LAIR1: variants seen among roughly 807,000 people sequenced by gnomAD.
LAIR1 encodes the protein leukocyte-associated immunoglobulin-like receptor 1.
LAIR1 carries 24 observed loss-of-function variants against 32.8 expected under a neutral mutation model. The observed-to-expected ratio is 0.73, with a 90% CI of 0.53 to 1.03. The LOEUF (loss-of-function observed/expected upper bound fraction) is 1.03, where lower values mean the gene tolerates loss of function less well. Ranked by LOEUF, LAIR1 falls within the 50% of genes least tolerant of loss-of-function variation. The pLI is 0.00. For missense variants in LAIR1, 355 were observed against 347.5 expected, an observed-to-expected ratio of 1.02 and a Z score of -0.17; for synonymous variants, 150 against 140.5, an observed-to-expected ratio of 1.07 and a Z score of -0.48.
upstream of LAIR1, among the ~76,000 whole-genome samples, chr19:54,365,285 C>T (rs1239639558): frequency 1.3e-5 from 2 of 152,088 alleles, no homozygotes; most frequent in South Asian, 2.1e-4. Flanking sequence ...GCTAAAATCC[C>T]GACAAGGTAT....
chr19:54,361,135 A>G lies in LAIR1; in HGVS notation c.145T>C (p.Cys49Arg), dbSNP rs763794794. 1.9e-6 allele frequency: 3 copies of G among 1,614,158 alleles called. No individual in the cohort carries two copies. Among genetic ancestry groups the G allele is most frequent in the Non-Finnish European group, 2.5e-6 (3 of 1,180,030 alleles). The stretch of plus-strand genomic sequence containing the variant: ...GTTTGAACCCCAACCGGGCCCCGGC[A>G]CACGAAAGTCACATGGCTCCCCAGG... ...IPLGSHVTFV[C>R]RGPVGVQTFR... Residue 49 changes from cysteine (C) to arginine (R), a missense_variant, in exon 3 of 10, where the codon TGC becomes CGC. Physicochemically the swap from Cys to Arg is radical, Grantham distance 180 (BLOSUM62 -3). Transcript: ENST00000391742.
chr19:54,359,314 G>T (rs1421384141), intron 4 of LAIR1, among the ~76,000 whole-genome samples: 1 of 151,780 alleles, frequency 6.6e-6, no homozygotes, highest in African/African-American at 2.4e-5. Flanking sequence ...GGGGGAGATG[G>T]ACAACTTGAG....
chr19:54,366,958 G>A (rs998318575), upstream of LAIR1, among the ~76,000 whole-genome samples: 2 of 152,156 alleles, frequency 1.3e-5, no homozygotes, highest in African/African-American at 4.8e-5. Context: ...TGGTAGAAAA[G>A]AAAAGTCCGT....
At chr19:54,367,866 G>A (rs1389419826), upstream of LAIR1, among the ~76,000 whole-genome samples, 14 of 143,156 alleles carry the variant, frequency 9.8e-5, no homozygotes, top group Non-Finnish European at 1.7e-4. Flanking sequence ...TCCGCTTCCC[G>A]GGTTCACGCC....
chr19:54,373,697 CAG>C (rs772477137), upstream of LAIR1, among the ~76,000 whole-genome samples: 1 of 151,926 alleles, frequency 6.6e-6, no homozygotes, highest in Non-Finnish European at 1.5e-5. Flanking sequence ...ACCAGGGAGA[CAG>C]AGGTTGCAGT....
At chr19:54,361,928 G>A (rs891658437) in intron 2 of LAIR1, among the ~76,000 whole-genome samples, 6 of 151,878 alleles carry the variant, frequency 4.0e-5, no homozygotes, top group Non-Finnish European at 7.4e-5. Flanking sequence ...GAGGAAGGGC[G>A]GGTTTGACGC....
In LAIR1 at chr19:54,355,375, G is replaced by T. The variant is rs1478276617; in HGVS notation, c.757C>A (p.Gln253Lys). The change falls in exon 10 of 10, where the codon CAG becomes AAG. Residue 253 changes from glutamine (Q) to lysine (K), a missense_variant. Transcript: ENST00000391742. This position sits in a 1 kb window ranked among gnomAD's most constrained non-coding sequence, Gnocchi z 4.7. ...AGSSQEVTYAQLDHWALTQRT... is the reference protein window; with the variant it reads ...AGSSQEVTYAKLDHWALTQRT... ...TGTGTGAGGGCCCAGTGGTCCAGCT[G>T]AGCATACGTCACCTCCTGGGAACTC... is the stretch of plus-strand genomic sequence containing the variant. The T allele has an allele frequency of 1.9e-6, 3 of 1,612,694 alleles. No homozygotes were observed. Among genetic ancestry groups the T allele is most frequent in the Non-Finnish European group, 2.5e-6 (3 of 1,179,336 alleles).
chr19:54,367,789 A>G (rs113261228), upstream of LAIR1, among the ~76,000 whole-genome samples: 5,565 of 139,530 alleles, frequency 0.04, 374 homozygotes, highest in African/African-American at 0.14. Context: ...TTTTTGAGAC[A>G]GAGTCTCGCT....
intron 2 of LAIR1, 76 bp from the exon 3 acceptor site, chr19:54,361,285 C>A: frequency 6.6e-7 from 1 of 1,505,270 alleles, no homozygotes; most frequent in Non-Finnish European, 9.1e-7. Context: ...TTTAGCATCA[C>A]AATTCAGGGA....
chr19:54,375,403 A>G (rs578113330), upstream of LAIR1, among the ~76,000 whole-genome samples: 129 of 152,316 alleles, frequency 8.5e-4, 3 homozygotes, highest in South Asian at 7.2e-3. Flanking sequence ...ACTCAGTCCC[A>G]ACCGTCTTGT....
chr19:54,360,869 T>C (rs1320880291), intron 3 of LAIR1, 47 bp downstream of exon 3: 2 of 1,574,084 alleles, frequency 1.3e-6, no homozygotes, highest in Non-Finnish European at 1.7e-6. Flanking sequence ...GGGGACAAGC[T>C]CGAGGGTCGA....
upstream of LAIR1, among the ~76,000 whole-genome samples, chr19:54,366,010 G>A (rs1176861469): frequency 1.3e-5 from 2 of 152,194 alleles, no homozygotes; most frequent in African/African-American, 2.4e-5. Context: ...CACGCCAAGC[G>A]ACGCAGAGGC....
At chr19:54,368,940 G>A (rs1182928690), upstream of LAIR1, among the ~76,000 whole-genome samples, 1 of 151,092 alleles carries the variant, frequency 6.6e-6, no homozygotes, top group Non-Finnish European at 1.5e-5. Flanking sequence ...GCCCACCTTG[G>A]CATCCCAAAG....
chr19:54,371,801 C>G (rs952221536), upstream of LAIR1, among the ~76,000 whole-genome samples: 2 of 151,532 alleles, frequency 1.3e-5, no homozygotes, highest in African/African-American at 2.4e-5. Flanking sequence ...GGGATGATTT[C>G]CTCTTGTCCA....
rs148060728 is a variant in LAIR1 at position 54,356,251 on chromosome 19, C to T, written c.643G>A (p.Asp215Asn). The change falls in exon 8 of 10, where the codon GAT becomes AAT. Residue 215 changes from aspartate to asparagine, a missense_variant. By Grantham distance (23) the Asp-to-Asn change is conservative (BLOSUM62 1). Transcript: ENST00000391742. ...KPQQRPDLAV[D>N]VLERTADKAT... is the part of the protein sequence containing the mutation. ...TTACCTGCTGTCCTCTCTAGAACATCAACAGCCAGGTCAGGCCTAAGAGGA... is the reference window on the plus strand; with the variant it reads ...TTACCTGCTGTCCTCTCTAGAACATTAACAGCCAGGTCAGGCCTAAGAGGA... 7.0e-4 allele frequency: 1,128 copies of T among 1,613,420 alleles called. 11 individuals carry two copies. In the African/African-American group the frequency reaches 0.014, roughly 20 times the overall value.
In LAIR1 at chr19:54,356,557, C is replaced by T. The variant is rs903998725; in HGVS notation, c.517G>A (p.Val173Ile). Residue 173 changes from valine (V) to isoleucine (I), a missense_variant, in exon 6 of 10, where the codon GTC becomes ATC. Transcript: ENST00000391742. ...AGGAGGAGGAGACAGAAGAGGAAGA[C>T]CACTGAGACCCCGATGAGAATATAC... ...HLYILIGVSV[V>I]FLFCLLLLVL... 6.2e-6 allele frequency: 10 copies of T among 1,613,932 alleles called. No individual in the cohort carries two copies. The highest frequency in any genetic ancestry group is 1.3e-5 in the African/African-American group (1 of 74,974).
chr19:54,370,315 G>A (rs4429394), exon 1 of LAIR1: 75,778 of 1,532,916 alleles, frequency 0.049, 9,584 homozygotes, highest in African/African-American at 0.45. Context: ...GAAGACCTCA[G>A]GACGATGATC....
At position 54,356,367 on chromosome 19, in the gene LAIR1, C is replaced by T. The variant is rs762474535; in HGVS notation, c.615G>A (p.Lys205=). 1.9e-6 allele frequency: 3 copies of T among 1,592,524 alleles called. No homozygotes were observed. The South Asian group carries it at 3.4e-5, about 18-fold the overall frequency. The stretch of plus-strand genomic sequence containing the variant: ...CCCAGGGGCCTCACCTCTGCTGTGG[C>T]TTCTGCTCCTCGTCCTTGCTTCTGG... ...GPPRSKDEEQ[K]PQQRPDLAVD... Residue 205 remains lysine (K), a synonymous_variant, in exon 7 of 10, where the codon AAG becomes AAA. Coordinates refer to ENST00000391742, the MANE Select transcript of LAIR1 (RefSeq NM_002287.6).
chr19:54,374,115 C>T (rs923813692), upstream of LAIR1, among the ~76,000 whole-genome samples: 2 of 151,786 alleles, frequency 1.3e-5, no homozygotes, highest in Non-Finnish European at 2.9e-5. Context: ...TGGTGAGCAG[C>T]CACATATTTC....
Sources: gnomAD v4.1 joint callset for allele counts (sites outside exome capture counted in the v4.1 genomes callset) on GRCh38, gnomAD v4.1.1 for gene constraint, Gnocchi (gnomAD v3.1) non-coding constraint, MANE v1.5 for transcripts, NCBI Gene and HGNC (gene_info 2026-07-23, HGNC 2026-07-21) for gene names.